Variants in IQGAP2 observed in about 807,000 individuals in gnomAD.
IQGAP2 encodes the protein ras GTPase-activating-like protein IQGAP2.
A neutral mutation model predicts 201.3 loss-of-function variants in IQGAP2; 173 were observed. That is an observed-to-expected ratio of 0.86 (90% confidence interval 0.76 to 0.98). The LOEUF is 0.98. Among genes scored for constraint, IQGAP2 ranks in the 50% least tolerant of loss-of-function variants. The probability of loss-of-function intolerance (pLI) is 0.00; values close to 1 mark genes in which losing one functional copy is unlikely to be tolerated. For synonymous variants in IQGAP2, 675 were observed against 673.9 expected, an observed-to-expected ratio of 1.00 and a Z score of -0.03; for missense variants, 1,687 against 1,864.8, an observed-to-expected ratio of 0.90 and a Z score of 1.76.
chr5:76,601,016 G>A, intron 11 of IQGAP2, 44 bp downstream of exon 11: 1 of 1,582,668 alleles, frequency 6.3e-7, no homozygotes, highest in Non-Finnish European at 8.7e-7. Flanking sequence ...AGAAATGCAT[G>A]TTTGGCAGAT....
chr5:76,549,346 T>C (rs1011636190), intron 2 of IQGAP2, among the ~76,000 whole-genome samples: 9 of 151,628 alleles, frequency 5.9e-5, no homozygotes, highest in African/African-American at 1.9e-4. Context: ...TGTGTGTGTG[T>C]GCTTTCAACC....
chr5:76,552,978 A>C (rs954304060), intron 2 of IQGAP2, among the ~76,000 whole-genome samples: 4 of 152,224 alleles, frequency 2.6e-5, no homozygotes, highest in Non-Finnish European at 5.9e-5. Context: ...TAAAGAAAAT[A>C]ATTAGCCTTT....
chr5:76,405,199 T>A (rs1371231522), intron 1 of IQGAP2, among the ~76,000 whole-genome samples: 2 of 152,242 alleles, frequency 1.3e-5, no homozygotes, highest in Non-Finnish European at 2.9e-5. Context: ...AGCATTTCTG[T>A]CAGTCCCTGC....
intron 1 of IQGAP2, among the ~76,000 whole-genome samples, chr5:76,411,977 G>C (rs1324661361): frequency 6.6e-6 from 1 of 152,116 alleles, no homozygotes; most frequent in African/African-American, 2.4e-5. Context: ...GGTGGCACAT[G>C]GGGGGCTGGA....
intron 28 of IQGAP2, among the ~76,000 whole-genome samples, chr5:76,678,743 G>T (rs1341002787): frequency 1.3e-5 from 2 of 152,192 alleles, no homozygotes; most frequent in African/African-American, 4.8e-5. Flanking sequence ...ATTCTCAAAG[G>T]TTGTGCTCTA....
intron 2 of IQGAP2, among the ~76,000 whole-genome samples, chr5:76,499,068 T>C (rs911051677): frequency 2.0e-5 from 3 of 152,360 alleles, no homozygotes; most frequent in Non-Finnish European, 4.4e-5. Flanking sequence ...TGTGATGGGC[T>C]TCCATTACTG....
chr5:76,580,302 G>A (rs1745755696), intron 5 of IQGAP2, among the ~76,000 whole-genome samples: 1 of 150,966 alleles, frequency 6.6e-6, no homozygotes, highest in Non-Finnish European at 1.5e-5. Context: ...AAAAAGCATG[G>A]TGGCACACGC....
intron 17 of IQGAP2, among the ~76,000 whole-genome samples, chr5:76,649,903 A>G (rs61710413): frequency 2.8e-3 from 424 of 152,342 alleles, no homozygotes; most frequent in African/African-American, 9.7e-3. Flanking sequence ...CGACTTTTGC[A>G]TTCTATGCAC....
At chr5:76,404,181 T>TC (rs946458792) in intron 1 of IQGAP2, among the ~76,000 whole-genome samples, 6 of 150,516 alleles carry the variant, frequency 4.0e-5, no homozygotes, top group Admixed American at 6.6e-5. Context: ...CCAACCCCTT[T>TC]CCCCCCCGCT....
chr5:76,557,061 A>C (rs1346152308), intron 2 of IQGAP2, among the ~76,000 whole-genome samples: 1 of 152,178 alleles, frequency 6.6e-6, no homozygotes, highest in Admixed American at 6.5e-5. Flanking sequence ...AACAGTGACA[A>C]CATCTATGTC....
chr5:76,481,177 T>C (rs138481601), intron 2 of IQGAP2, among the ~76,000 whole-genome samples: 51 of 152,246 alleles, frequency 3.3e-4, no homozygotes, highest in Admixed American at 1.0e-3. Context: ...ATTCAGGCCA[T>C]AGCAGCAGCC....
chr5:76,525,963 A>G (rs968513153), intron 2 of IQGAP2, among the ~76,000 whole-genome samples: 4 of 152,256 alleles, frequency 2.6e-5, no homozygotes, highest in South Asian at 2.1e-4. Context: ...TGGTCCATAC[A>G]TTCATAATTG....
At chr5:76,590,197 A>G (rs1404763933) in intron 7 of IQGAP2, among the ~76,000 whole-genome samples, 2 of 152,216 alleles carry the variant, frequency 1.3e-5, no homozygotes, top group Admixed American at 6.5e-5. Flanking sequence ...ATGAGTCAGA[A>G]TTACTTAACA....
At chr5:76,404,339 G>GT in intron 1 of IQGAP2, 1 of 400,034 alleles carries the variant, frequency 2.5e-6, no homozygotes, top group South Asian at 1.0e-4. Flanking sequence ...CCGATCGTGA[G>GT]TGGATGGAGC....
intron 17 of IQGAP2, among the ~76,000 whole-genome samples, chr5:76,650,443 G>A (rs536336229): frequency 1.3e-5 from 2 of 152,124 alleles, no homozygotes; most frequent in Admixed American, 1.3e-4. Context: ...AGATATTGAG[G>A]TACAGATTGT....
chr5:76,614,923 G>A (rs1180541946), intron 13 of IQGAP2, among the ~76,000 whole-genome samples: 1 of 152,168 alleles, frequency 6.6e-6, no homozygotes, highest in Non-Finnish European at 1.5e-5. Context: ...GGTCACAATG[G>A]GTAACATCTT....
intron 2 of IQGAP2, among the ~76,000 whole-genome samples, chr5:76,471,454 C>T (rs1255062921): frequency 6.6e-6 from 1 of 151,378 alleles, no homozygotes; most frequent in Non-Finnish European, 1.5e-5. Flanking sequence ...GTAAGCCAAG[C>T]CATTGGCTAT....
chr5:76,650,764 C>T (rs886256285), intron 17 of IQGAP2, among the ~76,000 whole-genome samples: 12 of 152,144 alleles, frequency 7.9e-5, no homozygotes, highest in Admixed American at 2.0e-4. Context: ...TAATGCTATC[C>T]CTCCCCGCTC....
At position 76,556,084 on chromosome 5, in the gene IQGAP2, G is replaced by C. The variant is rs146106083; in HGVS notation, c.147-6312G>C. Among the ~76,000 whole-genome samples the C allele has an allele frequency of 2.0e-5, 3 of 152,302 alleles. No individual in the cohort carries two copies. In the East Asian group the frequency reaches 5.8e-4, roughly 29 times the overall value. ...GAAGGTTAATAGGTAGAAGAGAAGA[G>C]AGAGAAACAGCTTCCTCTGTAAAGG... On this transcript the variant is annotated intron_variant, in intron 2 of 35. Transcript: ENST00000274364.
Sources: gnomAD v4.1 joint callset for allele counts (sites outside exome capture counted in the v4.1 genomes callset) on GRCh38, gnomAD v4.1.1 for gene constraint, MANE v1.5 for transcripts, NCBI Gene and HGNC (gene_info 2026-07-23, HGNC 2026-07-21) for gene names.